Variants in ZNF761 observed in about 807,000 individuals in gnomAD.
The protein encoded by ZNF761 is zinc finger protein 761.
Under a neutral mutation model 59.9 loss-of-function variants are expected in ZNF761, and 43 were observed. The ratio of observed to expected loss-of-function variants is 0.72; its 90% confidence interval spans 0.56 to 0.92. The LOEUF (loss-of-function observed/expected upper bound fraction) is 0.92, where lower values mean the gene tolerates loss of function less well. Ranked by LOEUF, ZNF761 falls within the 40% of genes least tolerant of loss-of-function variation. The pLI is 0.00. For synonymous variants in ZNF761, 294 were observed against 304.8 expected, an observed-to-expected ratio of 0.96 and a Z score of 0.37; for missense variants, 850 against 906.1, an observed-to-expected ratio of 0.94 and a Z score of 0.79.
At chr19:53,453,962 A>C (rs2086242394) in intron 4 of ZNF761, among the ~76,000 whole-genome samples, 1 of 152,182 alleles carries the variant, frequency 6.6e-6, no homozygotes, top group African/African-American at 2.4e-5. Flanking sequence ...AGTTATTCAG[A>C]AAAACATTGT....
chr19:53,436,180 A>G (rs915748573), intron 1 of ZNF761, among the ~76,000 whole-genome samples: 12 of 152,110 alleles, frequency 7.9e-5, no homozygotes, highest in Non-Finnish European at 1.5e-4. Flanking sequence ...ATTCCTGCAA[A>G]TTTAACAGCA....
Position 53,455,132 on chromosome 19 carries a change from C to A in ZNF761, c.625C>A (p.His209Asn), listed in dbSNP as rs2086254484. 1 of 1,614,144 alleles carries A rather than the reference C, an allele frequency of 6.2e-7. No homozygotes were observed. The highest frequency in any genetic ancestry group is 8.5e-7 in the Non-Finnish European group (1 of 1,180,018). ...SSLLTQKQEV[H>N]MREKSFQCNE... is the part of the protein sequence containing the mutation. The stretch of plus-strand genomic sequence containing the variant: ...ATTACTCACACAAAAACAGGAAGTA[C>A]ACATGAGAGAAAAATCTTTCCAATG... Residue 209 changes from histidine (H) to asparagine (N), a missense_variant, in exon 5 of 5, where the codon CAC (histidine) becomes AAC (asparagine). Coordinates refer to ENST00000684525, the MANE Select transcript of ZNF761 (RefSeq NM_001289951.2).
intron 1 of ZNF761, among the ~76,000 whole-genome samples, chr19:53,437,622 C>T (rs1025045700): frequency 5.3e-5 from 8 of 152,130 alleles, no homozygotes; most frequent in Non-Finnish European, 1.2e-4. Flanking sequence ...TCCCTGTCTG[C>T]TTTTCTGTTT....
intron 1 of ZNF761, chr19:53,442,223 G>T: frequency 5.2e-6 from 6 of 1,162,340 alleles, no homozygotes; most frequent in Non-Finnish European, 7.7e-6. Flanking sequence ...TTGCAGATGA[G>T]GCAGATGGGA....
rs1276777804 is a variant in ZNF761 at position 53,454,885 on chromosome 19, T to C, written c.378T>C (p.Tyr126=). The C allele has an allele frequency of 1.2e-6, 2 of 1,614,074 alleles. No individual in the cohort carries two copies. Among genetic ancestry groups the C allele is most frequent in the Non-Finnish European group, 1.7e-6 (2 of 1,180,032 alleles). Residue 126 remains tyrosine, a synonymous_variant, in exon 5 of 5, where the codon TAT becomes TAC. Coordinates refer to ENST00000684525, the MANE Select transcript of ZNF761 (RefSeq NM_001289951.2). ...IKKLTGITER[Y]DQSHARNKPI... ...AGTTGACAGGTATTACAGAACGATA[T>C]GATCAAAGTCATGCTAGAAACAAGC...
chr19:53,449,898 T>C, intron 4 of ZNF761: 4 of 733,314 alleles, frequency 5.5e-6, no homozygotes, highest in Non-Finnish European at 8.4e-6. Flanking sequence ...TGCTGTGTTG[T>C]TGAAATTCAT....
At chr19:53,454,298 G>A (rs2086244609) in intron 4 of ZNF761, among the ~76,000 whole-genome samples, 1 of 152,154 alleles carries the variant, frequency 6.6e-6, no homozygotes, top group African/African-American at 2.4e-5. Context: ...TAAATATGCT[G>A]TAAATATGAA....
chr19:53,456,475 T>C lies in ZNF761; in HGVS notation c.1968T>C (p.His656=), dbSNP rs760245901. The change falls in exon 5 of 5, where the codon CAT becomes CAC. Residue 656 remains histidine, a synonymous_variant. Transcript: ENST00000684525. ...KSNLEGHRRI[H]TGEKPYKCNE... ...ACCTTGAAGGACATAGGAGAATTCATACTGGAGAGAAACCTTACAAGTGTA... is the reference window on the plus strand; with the variant it reads ...ACCTTGAAGGACATAGGAGAATTCACACTGGAGAGAAACCTTACAAGTGTA... 3 of 1,613,920 alleles carry C rather than the reference T, an allele frequency of 1.9e-6. No individual in the cohort carries two copies. The South Asian group carries it at 3.3e-5, about 18-fold the overall frequency.
At chr19:53,438,268 C>T (rs1256277202) in intron 1 of ZNF761, among the ~76,000 whole-genome samples, 2 of 152,108 alleles carry the variant, frequency 1.3e-5, no homozygotes, top group Admixed American at 6.5e-5. Context: ...AATGTGGCAC[C>T]GGGACAGTTA....
chr19:53,446,651 AC>A (rs1311102592), intron 2 of ZNF761, among the ~76,000 whole-genome samples: 2 of 151,936 alleles, frequency 1.3e-5, no homozygotes, highest in African/African-American at 4.8e-5. Context: ...GGTATTACAG[AC>A]ATAAGCCACC....
At position 53,454,995 on chromosome 19, in the gene ZNF761, A is replaced by T. The variant is rs2086252616; in HGVS notation, c.488A>T (p.Gln163Leu). The change falls in exon 5 of 5, where the codon CAA becomes CTA. Residue 163 changes from glutamine (Q) to leucine (L), a missense_variant. Transcript: ENST00000684525. ...IFQTEEKIDNQVVKSVHDASL... is the reference protein window; with the variant it reads ...IFQTEEKIDNLVVKSVHDASL... ...CAGACCGAAGAGAAAATTGATAATC[A>T]AGTTGTGAAGTCTGTCCACGATGCT... 1.9e-6 allele frequency: 3 copies of T among 1,614,162 alleles called. No individual in the cohort carries two copies. Among genetic ancestry groups the T allele is most frequent in the Non-Finnish European group, 2.5e-6 (3 of 1,180,020 alleles).
Position 53,455,270 on chromosome 19 carries a change from C to T in ZNF761, c.763C>T (p.Arg255Ter), listed in dbSNP as rs762002012. Residue 255 changes from arginine (R) to a stop codon, truncating the protein, a stop_gained, in exon 5 of 5, where the codon CGA (arginine) becomes TGA (stop). Transcript: ENST00000684525. LOFTEE classifies it high-confidence loss of function. The stretch of plus-strand genomic sequence containing the variant: ...ATGTGGCAAGCTCTTTAATCAGAAG[C>T]GAAACCTAGCATGCCATCGTAGATG... The part of the protein sequence containing the change: ...DVCGKLFNQK[R>*]NLACHRRCHT... The T allele has an allele frequency of 9.9e-6, 16 of 1,614,030 alleles. No homozygotes were observed. Among genetic ancestry groups the T allele is most frequent in the East Asian group, 2.2e-5 (1 of 44,890 alleles).
intron 1 of ZNF761, chr19:53,445,147 C>T (rs376530583): frequency 1.3e-5 from 2 of 151,954 alleles, no homozygotes; most frequent in African/African-American, 2.4e-5. Context: ...CTCCCAGCCA[C>T]CCATGTATTC....
chr19:53,432,459 C>G (rs965199514), intron 1 of ZNF761, among the ~76,000 whole-genome samples: 10 of 152,276 alleles, frequency 6.6e-5, no homozygotes, highest in Non-Finnish European at 1.3e-4. Flanking sequence ...GCTGTCGCCC[C>G]TTCACCTCCC....
chr19:53,451,646 G>A (rs2086222918), intron 4 of ZNF761, among the ~76,000 whole-genome samples: 1 of 151,094 alleles, frequency 6.6e-6, no homozygotes, highest in Non-Finnish European at 1.5e-5. Context: ...GCGGTGGTGC[G>A]ACCTCAGCTA....
In ZNF761 at chr19:53,454,918, A is replaced by C; in HGVS notation, c.411A>C (p.Lys137Asn). Reference protein sequence around the residue: ...DQSHARNKPIKDQLGSSFHSH... With the variant: ...DQSHARNKPINDQLGSSFHSH... ...GTCATGCTAGAAACAAGCCTATTAA[A>C]GATCAGCTTGGATCAAGCTTTCATT... The change falls in exon 5 of 5, where the codon AAA becomes AAC. Residue 137 changes from lysine (K) to asparagine (N), a missense_variant. Lys to Asn is a moderately conservative substitution (Grantham distance 94). Transcript: ENST00000684525. 1.2e-6 allele frequency: 2 copies of C among 1,614,212 alleles called. No individual in the cohort carries two copies. The highest frequency in any genetic ancestry group is 1.7e-6 in the Non-Finnish European group (2 of 1,180,040).
intron 4 of ZNF761, among the ~76,000 whole-genome samples, chr19:53,451,542 T>C (rs933229103): frequency 1.3e-5 from 2 of 152,048 alleles, no homozygotes; most frequent in African/African-American, 4.8e-5. Flanking sequence ...TGGAGAACTT[T>C]ATATATATCT....
In ZNF761 at chr19:53,441,698, T is replaced by C. The variant is rs573675009; in HGVS notation, c.-184-4529T>C. On this transcript the variant is annotated intron_variant, in intron 1 of 4. Transcript: ENST00000684525. The stretch of plus-strand genomic sequence containing the variant: ...CTGACCTCAGGTGATCCACTCGCCT[T>C]GGCCTCCCCAAAGTGCTGGGATTAC... The C allele has an allele frequency of 3.9e-3, 2,101 of 542,884 alleles. 50 individuals are homozygous for C. Among genetic ancestry groups the C allele is most frequent in the African/African-American group, 0.036 (1,869 of 52,536 alleles). 33.6% of individuals were successfully genotyped at this position (542,884 alleles called of 1,614,324 possible).
At chr19:53,440,142 C>CG (rs2086083684) in intron 1 of ZNF761, among the ~76,000 whole-genome samples, 1 of 79,342 alleles carries the variant, frequency 1.3e-5, no homozygotes, top group South Asian at 3.4e-4. Context: ...CATAGTGAGA[C>CG]CCCCCCGTCT....
Sources: gnomAD v4.1 joint callset for allele counts (sites outside exome capture counted in the v4.1 genomes callset) on GRCh38, gnomAD v4.1.1 for gene constraint, MANE v1.5 for transcripts, NCBI Gene and HGNC (gene_info 2026-07-23, HGNC 2026-07-21) for gene names.